TAS2R1: variants seen among roughly 807,000 people sequenced by gnomAD.
TAS2R1 encodes the protein taste receptor type 2 member 1.
For synonymous variants in TAS2R1, 141 were observed against 134.2 expected, an observed-to-expected ratio of 1.05 and a Z score of -0.35; for missense variants, 370 against 353.4, an observed-to-expected ratio of 1.05 and a Z score of -0.38.
At chr5:9,631,495 G>A (rs1158832950), upstream of TAS2R1, among the ~76,000 whole-genome samples, 7 of 152,160 alleles carry the variant, frequency 4.6e-5, no homozygotes, top group East Asian at 1.3e-3. Flanking sequence ...TCCTGCCTCA[G>A]CCTCTTGAGG....
At chr5:9,889,937 G>A in the TAS2R1 span, 25 of 152,256 alleles carry the variant, frequency 1.6e-4, 1 homozygote, top group Admixed American at 1.6e-3. Context: ...TGGCAGCAGA[G>A]TGTAAGGTAT....
At chr5:9,870,789 C>T in the TAS2R1 span, among the ~76,000 whole-genome samples, 1 of 152,124 alleles carries the variant, frequency 6.6e-6, no homozygotes, top group Non-Finnish European at 1.5e-5. Flanking sequence ...AGTAGGTGTT[C>T]TCCATATGGA....
At chr5:9,839,312 T>C in the TAS2R1 span, among the ~76,000 whole-genome samples, 79 of 152,302 alleles carry the variant, frequency 5.2e-4, no homozygotes, top group African/African-American at 1.7e-3. Flanking sequence ...AACTGCCATG[T>C]GAAAAGCAAG....
chr5:9,650,862 C>T (rs1477664339), intron 2 of TAS2R1, among the ~76,000 whole-genome samples: 3 of 152,124 alleles, frequency 2.0e-5, no homozygotes, highest in African/African-American at 7.2e-5. Flanking sequence ...GCTATATACC[C>T]AGTAACTAGA....
chr5:9,855,943 T>C, the TAS2R1 span, among the ~76,000 whole-genome samples: 1 of 152,226 alleles, frequency 6.6e-6, no homozygotes, highest in Non-Finnish European at 1.5e-5. Flanking sequence ...AAATTTTCCT[T>C]CTTTTACAAT....
chr5:9,715,212 TG>T (rs1394060459), upstream of TAS2R1, among the ~76,000 whole-genome samples: 2 of 152,194 alleles, frequency 1.3e-5, no homozygotes, highest in Non-Finnish European at 2.9e-5. Flanking sequence ...TCTAGGAATT[TG>T]GGGCATATGG....
At chr5:9,847,660 G>A in the TAS2R1 span, among the ~76,000 whole-genome samples, 6 of 152,220 alleles carry the variant, frequency 3.9e-5, no homozygotes, top group African/African-American at 1.2e-4. Flanking sequence ...GCTGGAGTTG[G>A]TGCCACCTTG....
At chr5:9,747,572 A>T in the TAS2R1 span, among the ~76,000 whole-genome samples, 1 of 152,100 alleles carries the variant, frequency 6.6e-6, no homozygotes, top group East Asian at 1.9e-4. Flanking sequence ...AAGAGAACTC[A>T]CTCATTACCA....
chr5:9,733,572 A>G, the TAS2R1 span, among the ~76,000 whole-genome samples: 18 of 152,230 alleles, frequency 1.2e-4, no homozygotes, highest in Admixed American at 7.2e-4. Context: ...AAAGAAACCC[A>G]AAACATTAGC....
chr5:9,877,343 T>C, the TAS2R1 span, among the ~76,000 whole-genome samples: 3 of 152,232 alleles, frequency 2.0e-5, no homozygotes, highest in African/African-American at 7.2e-5. Context: ...AAAGAAGAGA[T>C]TTTAGAAAAC....
At chr5:9,744,623 G>C in the TAS2R1 span, among the ~76,000 whole-genome samples, 1 of 152,102 alleles carries the variant, frequency 6.6e-6, no homozygotes, top group African/African-American at 2.4e-5. Context: ...TCAGATCTTT[G>C]AGGAAACAGA....
chr5:9,872,873 T>G, the TAS2R1 span, among the ~76,000 whole-genome samples: 5 of 152,244 alleles, frequency 3.3e-5, no homozygotes, highest in East Asian at 9.6e-4. Flanking sequence ...AATTCGCCAG[T>G]GCCCTGTAAT....
chr5:9,841,068 T>C, the TAS2R1 span, among the ~76,000 whole-genome samples: 2 of 152,090 alleles, frequency 1.3e-5, no homozygotes, highest in African/African-American at 2.4e-5. Context: ...TTAAAGCTTT[T>C]ATTCTACTGT....
intron 1 of TAS2R1, among the ~76,000 whole-genome samples, chr5:9,680,956 G>A (rs952303689): frequency 1.6e-4 from 25 of 152,092 alleles, no homozygotes; most frequent in Non-Finnish European, 7.4e-5. Flanking sequence ...CCAACTGCTC[G>A]GAGGCAGAGG....
the TAS2R1 span, among the ~76,000 whole-genome samples, chr5:9,738,800 A>C: frequency 5.3e-5 from 8 of 152,138 alleles, no homozygotes; most frequent in Non-Finnish European, 1.5e-5. Flanking sequence ...GAGAACCAGC[A>C]TCAGTGCAGA....
chr5:9,848,323 A>C, the TAS2R1 span, among the ~76,000 whole-genome samples: 1 of 152,366 alleles, frequency 6.6e-6, no homozygotes, highest in East Asian at 1.9e-4. Context: ...AGGTTAATTA[A>C]TCTAGCTCCC....
At chr5:9,636,515 T>G (rs1739967172) in intron 2 of TAS2R1, among the ~76,000 whole-genome samples, 1 of 152,166 alleles carries the variant, frequency 6.6e-6, no homozygotes. Flanking sequence ...CTTGATAAGC[T>G]GTCTAGTGCT....
At chr5:9,694,825 CAG>C (rs1741326045) in intron 1 of TAS2R1, among the ~76,000 whole-genome samples, 1 of 152,228 alleles carries the variant, frequency 6.6e-6, no homozygotes, top group Non-Finnish European at 1.5e-5. Flanking sequence ...GGTCATTGCA[CAG>C]AGTTGCCTCT....
At chr5:9,738,566 A>T in the TAS2R1 span, among the ~76,000 whole-genome samples, 2 of 152,190 alleles carry the variant, frequency 1.3e-5, no homozygotes, top group African/African-American at 2.4e-5. Flanking sequence ...CCTAGCGATG[A>T]TTATTACATT....
Sources: gnomAD v4.1 joint callset for allele counts (sites outside exome capture counted in the v4.1 genomes callset) on GRCh38, gnomAD v4.1.1 for gene constraint, MANE v1.5 for transcripts, NCBI Gene and HGNC (gene_info 2026-07-23, HGNC 2026-07-21) for gene names.